DTNA: variants seen among roughly 807,000 people sequenced by gnomAD.
DTNA encodes dystrobrevin alpha.
DTNA carries 43 observed loss-of-function variants against 100.7 expected under a neutral mutation model. The ratio of observed to expected loss-of-function variants is 0.43; its 90% CI spans 0.33 to 0.55. The LOEUF (loss-of-function observed/expected upper bound fraction) is 0.55, where lower values mean the gene tolerates loss of function less well. Ranked by LOEUF, DTNA falls within the 20% of genes least tolerant of loss-of-function variation. The probability of loss-of-function intolerance (pLI) is 0.04; values close to 1 mark genes in which losing one functional copy is unlikely to be tolerated. For synonymous variants in DTNA, 349 were observed against 347.9 expected (o/e 1.00, Z -0.04); for missense variants, 798 against 953.9 (o/e 0.84, Z 2.15).
At chr18:34,613,883 C>T (rs1420717967) in intron 1 of DTNA, among the ~76,000 whole-genome samples, 1 of 152,212 alleles carries the variant, frequency 6.6e-6, no homozygotes, top group African/African-American at 2.4e-5. Flanking sequence ...GATAACTCCA[C>T]TAAGCAACAG....
intron 1 of DTNA, among the ~76,000 whole-genome samples, chr18:34,537,458 G>A (rs1233402856): frequency 6.6e-6 from 1 of 151,424 alleles, no homozygotes; most frequent in Admixed American, 6.6e-5. Context: ...TTGTATTAAG[G>A]AAATTGTAGT....
intron 1 of DTNA, among the ~76,000 whole-genome samples, chr18:34,564,966 G>C (rs951743581): frequency 6.6e-6 from 1 of 152,118 alleles, no homozygotes; most frequent in Non-Finnish European, 1.5e-5. Context: ...ATATATTTAG[G>C]AATCCTGCCT....
At chr18:34,675,002 G>C (rs562538041) in intron 1 of DTNA, among the ~76,000 whole-genome samples, 1 of 152,234 alleles carries the variant, frequency 6.6e-6, no homozygotes, top group African/African-American at 2.4e-5. Context: ...AGCTTCAAAA[G>C]GGAAGTTAGA....
chr18:34,890,422 C>T lies in DTNA; in HGVS notation c.*2688C>T, dbSNP rs563486042. On this transcript the variant is annotated 3_prime_UTR_variant, in exon 23 of 23. Transcript: ENST00000444659. The stretch of plus-strand genomic sequence containing the variant: ...TTCTTTCCTTGGCTCTCCAGATTTA[C>T]TTTTGGGGCCTGTTCTAAGTGCAAA... 3.3e-6 allele frequency: 5 copies of T among 1,536,086 alleles called. No individual in the cohort carries two copies. The East Asian group carries it at 7.3e-5, about 23-fold the overall frequency.
At chr18:34,857,023 G>GCAGGGA (rs2096560653) in intron 15 of DTNA, among the ~76,000 whole-genome samples, 2 of 152,182 alleles carry the variant, frequency 1.3e-5, no homozygotes, top group African/African-American at 4.8e-5. Flanking sequence ...CTCTGCAGGG[G>GCAGGGA]CACCTGGGAG....
intron 1 of DTNA, among the ~76,000 whole-genome samples, chr18:34,571,758 C>A (rs1240591572): frequency 6.6e-6 from 1 of 152,084 alleles, no homozygotes; most frequent in Non-Finnish European, 1.5e-5. Flanking sequence ...TGCTCAGGGC[C>A]GTTCTGCCAT....
intron 1 of DTNA, among the ~76,000 whole-genome samples, chr18:34,629,398 G>A (rs913881921): frequency 6.6e-6 from 1 of 152,018 alleles, no homozygotes; most frequent in African/African-American, 2.4e-5. Flanking sequence ...TGGGAAAACT[G>A]GTTTTATTTT....
chr18:34,850,126 T>G lies in DTNA; in HGVS notation c.1435-1705T>G, dbSNP rs189323577. ...TCTCTTCATAACCACATATTAAGAA[T>G]AGTATGATTAGCTGAGTAAATCATG... On this transcript the variant is annotated intron_variant, in intron 14 of 22. Coordinates refer to ENST00000444659, the MANE Select transcript of DTNA (RefSeq NM_001386795.1). Among the ~76,000 whole-genome samples, 162 of 152,326 alleles carry G rather than the reference T, an allele frequency of 1.1e-3. 1 individual carries two copies. The highest frequency in any genetic ancestry group is 1.3e-3 in the Non-Finnish European group (91 of 68,032).
At chr18:34,806,412 T>C in intron 5 of DTNA, 108 bp downstream of exon 5, 1 of 928,016 alleles carries the variant, frequency 1.1e-6, no homozygotes, top group Non-Finnish European at 1.7e-6. Flanking sequence ...TTCCTCATTC[T>C]ATGAGAGTTG....
intron 3 of DTNA, among the ~76,000 whole-genome samples, chr18:34,782,621 G>A (rs2094369699): frequency 6.6e-6 from 1 of 152,140 alleles, no homozygotes; most frequent in Non-Finnish European, 1.5e-5. Context: ...GGCACACCTG[G>A]TGGAGGGAGC....
At chr18:34,508,543 A>T (rs553164052) in intron 1 of DTNA, among the ~76,000 whole-genome samples, 25 of 152,182 alleles carry the variant, frequency 1.6e-4, no homozygotes, top group Non-Finnish European at 3.4e-4. Context: ...GACAAAATCA[A>T]CAAGAAGTAA....
chr18:34,854,451 A>G (rs2096528904), intron 15 of DTNA, among the ~76,000 whole-genome samples: 1 of 152,220 alleles, frequency 6.6e-6, no homozygotes, highest in Non-Finnish European at 1.5e-5. Context: ...AACAGATGTC[A>G]GTAAGTCAGT....
At chr18:34,718,578 T>A (rs887849975) in intron 1 of DTNA, among the ~76,000 whole-genome samples, 3 of 151,988 alleles carry the variant, frequency 2.0e-5, no homozygotes, top group African/African-American at 7.2e-5. Context: ...GCCCCCACTG[T>A]TTTCTAATAA....
chr18:34,729,552 ATGT>A (rs923699751), intron 1 of DTNA, among the ~76,000 whole-genome samples: 17 of 152,218 alleles, frequency 1.1e-4, no homozygotes, highest in African/African-American at 4.1e-4. Context: ...CTGAGGTAAA[ATGT>A]TGTATATTTT....
chr18:34,499,088 G>A (rs2039609023), intron 1 of DTNA, among the ~76,000 whole-genome samples: 1 of 152,104 alleles, frequency 6.6e-6, no homozygotes, highest in Non-Finnish European at 1.5e-5. Context: ...GCACCAGAAG[G>A]ATAATTCCTA....
chr18:34,572,854 C>T (rs1399592540), intron 1 of DTNA, among the ~76,000 whole-genome samples: 1 of 152,078 alleles, frequency 6.6e-6, no homozygotes, highest in Non-Finnish European at 1.5e-5. Context: ...CCTCTTTATT[C>T]CTGAAAACAG....
At chr18:34,777,383 A>G (rs1352827861) in intron 3 of DTNA, among the ~76,000 whole-genome samples, 1 of 152,234 alleles carries the variant, frequency 6.6e-6, no homozygotes, top group Non-Finnish European at 1.5e-5. Context: ...AATGAATAAA[A>G]TACCACTGGA....
chr18:34,725,004 C>A (rs1241853873), intron 1 of DTNA, among the ~76,000 whole-genome samples: 1 of 152,096 alleles, frequency 6.6e-6, no homozygotes, highest in East Asian at 1.9e-4. Flanking sequence ...GAAAGGATTC[C>A]CTATTTAATA....
rs141861161 is a variant in DTNA at position 34,510,013 on chromosome 18, A to G, written c.-2+16499A>G. ...CAAAATAATCTAACTTCACTCACCCAATAGTAGTTTAAGGGATAAAAATAG... is the reference window on the plus strand; with the variant it reads ...CAAAATAATCTAACTTCACTCACCCGATAGTAGTTTAAGGGATAAAAATAG... On this transcript the variant is annotated intron_variant, in intron 1 of 19. Transcript: ENST00000283365. Among the ~76,000 whole-genome samples the G allele has an allele frequency of 2.0e-3, 307 of 151,350 alleles. 1 individual carries two copies. The highest frequency in any genetic ancestry group is 7.2e-3 in the African/African-American group (295 of 41,250).
Sources: allele counts gnomAD v4.1 joint callset (sites outside exome capture counted in the v4.1 genomes callset), GRCh38; gene constraint gnomAD v4.1.1; transcripts MANE v1.5; gene names NCBI Gene and HGNC (gene_info 2026-07-23, HGNC 2026-07-21).